The following FABP7 variants were observed in gnomAD, a reference collection of about 807,000 sequenced individuals.
FABP7 encodes the protein fatty acid-binding protein, brain.
In FABP7, 13 loss-of-function variants were observed where a neutral mutation model predicts 14.2. The ratio of observed to expected loss-of-function variants is 0.91; its 90% CI spans 0.59 to 1.45. The LOEUF is 1.45. Ranked by LOEUF, FABP7 falls within the 40% of genes most tolerant of loss-of-function variation. The pLI is 0.00. For synonymous variants in FABP7, 49 were observed against 51.4 expected (o/e 0.95, Z 0.20); for missense variants, 149 against 157.6 (o/e 0.95, Z 0.29).
At chr6:122,783,237 A>G in intron 3 of FABP7, 1 of 985,472 alleles carries the variant, frequency 1.0e-6, no homozygotes, top group Admixed American at 6.1e-5. Flanking sequence ...AACAAGGAGA[A>G]TATTTGTACC....
At chr6:122,752,808 AC>A in the FABP7 span, among the ~76,000 whole-genome samples, 5 of 151,954 alleles carry the variant, frequency 3.3e-5, no homozygotes, top group South Asian at 1.0e-3. Flanking sequence ...AGCCATCTCT[AC>A]CCCCTCTACA....
chr6:122,762,045 C>T, the FABP7 span, among the ~76,000 whole-genome samples: 7 of 152,252 alleles, frequency 4.6e-5, no homozygotes, highest in South Asian at 1.5e-3. Flanking sequence ...TTTTATGAGG[C>T]CAGCGTCATC....
At chr6:122,778,813 TGTA>T (rs1402340599), upstream of FABP7, among the ~76,000 whole-genome samples, 1 of 152,196 alleles carries the variant, frequency 6.6e-6, no homozygotes, top group African/African-American at 2.4e-5. Context: ...ATTGTATTTG[TGTA>T]GATGTGGCCT....
At position 122,781,111 on chromosome 6, in the gene FABP7, G is replaced by A; in HGVS notation, c.265G>A (p.Gly89Arg). 6.2e-7 allele frequency: 1 copy of A among 1,613,384 alleles called. No individual in the cohort carries two copies. The highest frequency in any genetic ancestry group is 8.5e-7 in the Non-Finnish European group (1 of 1,179,470). Residue 89 changes from glycine to arginine, a missense_variant, in exon 3 of 4, where the codon GGA (glycine) becomes AGA (arginine). Gly to Arg is a moderately radical substitution (Grantham distance 125). Coordinates refer to ENST00000368444, the MANE Select transcript of FABP7 (RefSeq NM_001446.5). ...GTCTCAGTCTGTTGTTAGCCTGGATGGAGACAAACTTGTTCACATACAGAA... is the reference window on the plus strand; with the variant it reads ...GTCTCAGTCTGTTGTTAGCCTGGATAGAGACAAACTTGTTCACATACAGAA... Reference protein sequence around the residue: ...RNCKSVVSLDGDKLVHIQKWD... With the variant: ...RNCKSVVSLDRDKLVHIQKWD...
At chr6:122,782,325 G>A in intron 3 of FABP7, 1 of 577,876 alleles carries the variant, frequency 1.7e-6, no homozygotes, top group Non-Finnish European at 2.2e-6. Flanking sequence ...CGACCCTAGT[G>A]TTGCCATCCT....
At chr6:122,752,533 G>A in the FABP7 span, among the ~76,000 whole-genome samples, 30 of 152,198 alleles carry the variant, frequency 2.0e-4, no homozygotes, top group Non-Finnish European at 3.8e-4. Flanking sequence ...CCCTCCTGGA[G>A]ATATTGGCAT....
the FABP7 span, among the ~76,000 whole-genome samples, chr6:122,767,549 A>T: frequency 2.0e-5 from 3 of 152,190 alleles, no homozygotes; most frequent in South Asian, 6.2e-4. Context: ...AAGTGAATTT[A>T]AAACCCTACT....
chr6:122,763,236 A>G, the FABP7 span, among the ~76,000 whole-genome samples: 1 of 152,210 alleles, frequency 6.6e-6, no homozygotes, highest in Non-Finnish European at 1.5e-5. Context: ...GTAATTCCAC[A>G]CATCTACAAC....
At chr6:122,769,806 C>A in the FABP7 span, among the ~76,000 whole-genome samples, 4 of 151,920 alleles carry the variant, frequency 2.6e-5, no homozygotes, top group Non-Finnish European at 5.9e-5. Context: ...ATAGTGTAAT[C>A]CTAATGGTTT....
chr6:122,764,994 TC>T, the FABP7 span, among the ~76,000 whole-genome samples: 1 of 152,200 alleles, frequency 6.6e-6, no homozygotes, highest in Non-Finnish European at 1.5e-5. Flanking sequence ...TAATGTAGTT[TC>T]TTCCTGCAGA....
the FABP7 span, among the ~76,000 whole-genome samples, chr6:122,759,378 TA>T: frequency 6.6e-6 from 1 of 152,232 alleles, no homozygotes; most frequent in Admixed American, 6.5e-5. Flanking sequence ...TTAATTTGGT[TA>T]AAAACTGATT....
At chr6:122,770,341 T>C in the FABP7 span, among the ~76,000 whole-genome samples, 1 of 152,218 alleles carries the variant, frequency 6.6e-6, no homozygotes, top group Admixed American at 6.5e-5. Context: ...AGGGTAGTTA[T>C]AGGTCATATT....
chr6:122,749,941 G>A, the FABP7 span, among the ~76,000 whole-genome samples: 1 of 152,166 alleles, frequency 6.6e-6, no homozygotes, highest in East Asian at 1.9e-4. Flanking sequence ...GCACCTGGTG[G>A]CTGAGGGACA....
intron 3 of FABP7, chr6:122,781,742 T>A: frequency 2.8e-5 from 14 of 501,756 alleles, no homozygotes; most frequent in South Asian, 8.6e-5. Context: ...TGATAACCCT[T>A]TTTTTTTTTT....
chr6:122,775,704 C>A (rs66655321), upstream of FABP7, among the ~76,000 whole-genome samples: 63,654 of 149,310 alleles, frequency 0.43, 15,268 homozygotes, highest in Non-Finnish European at 0.56. Context: ...ACAACAACAA[C>A]AAAAAAAACA....
chr6:122,780,564 A>AT, intron 2 of FABP7, 101 bp downstream of exon 2: 1 of 1,245,836 alleles, frequency 8.0e-7, no homozygotes, highest in South Asian at 1.4e-5. Flanking sequence ...AGTGTAGAAT[A>AT]TTTTCAGTAT....
At chr6:122,765,759 C>G in the FABP7 span, among the ~76,000 whole-genome samples, 1 of 151,746 alleles carries the variant, frequency 6.6e-6, no homozygotes, top group Non-Finnish European at 1.5e-5. Flanking sequence ...TTTAAAATTT[C>G]AATCTGTTCT....
the FABP7 span, among the ~76,000 whole-genome samples, chr6:122,760,760 T>C: frequency 6.6e-6 from 1 of 152,132 alleles, no homozygotes; most frequent in Non-Finnish European, 1.5e-5. Context: ...TTATATTGAA[T>C]TTAAATGATA....
the FABP7 span, among the ~76,000 whole-genome samples, chr6:122,771,389 T>C: frequency 7.3e-4 from 111 of 152,308 alleles, no homozygotes; most frequent in East Asian, 0.016. Flanking sequence ...CTTCCTTTTA[T>C]AGCTACCTAC....
Sources: gnomAD v4.1 joint callset for allele counts (sites outside exome capture counted in the v4.1 genomes callset) on GRCh38, gnomAD v4.1.1 for gene constraint, MANE v1.5 for transcripts, NCBI Gene and HGNC (gene_info 2026-07-23, HGNC 2026-07-21) for gene names.